Variants in AGTPBP1 observed in about 807,000 individuals in gnomAD.
The protein encoded by AGTPBP1 is ATP/GTP binding carboxypeptidase 1.
AGTPBP1 carries 70 observed loss-of-function variants against 143.9 expected under a neutral mutation model. That is an observed-to-expected ratio of 0.49 (90% CI 0.40 to 0.59). The LOEUF (loss-of-function observed/expected upper bound fraction) is 0.59. Ranked by LOEUF, AGTPBP1 falls within the 20% of genes least tolerant of loss-of-function variation. The probability of loss-of-function intolerance (pLI) is 0.00; values close to 1 mark genes in which losing one functional copy is unlikely to be tolerated. For missense variants in AGTPBP1, 1,229 were observed against 1,464.5 expected, an observed-to-expected ratio of 0.84 and a Z score of 2.62; for synonymous variants, 463 against 500.2, an observed-to-expected ratio of 0.93 and a Z score of 0.99.
chr9:85,646,044 C>G (rs1054699939), intron 12 of AGTPBP1, among the ~76,000 whole-genome samples: 1 of 152,102 alleles, frequency 6.6e-6, no homozygotes, highest in Admixed American at 6.5e-5. Flanking sequence ...TTTCAGATCA[C>G]TTTCCTTCAA....
intron 8 of AGTPBP1, among the ~76,000 whole-genome samples, chr9:85,669,070 T>C (rs1327547208): frequency 1.3e-5 from 2 of 148,208 alleles, no homozygotes; most frequent in Non-Finnish European, 3.0e-5. Context: ...AATGATGTGA[T>C]TTTGACAAAA....
At chr9:85,586,781 T>C in intron 22 of AGTPBP1, 50 bp downstream of exon 22, 1 of 1,578,130 alleles carries the variant, frequency 6.3e-7, no homozygotes, top group South Asian at 1.1e-5. Context: ...TAATTAAAAA[T>C]GATATTTTAT....
intron 1 of AGTPBP1, among the ~76,000 whole-genome samples, chr9:85,735,247 T>C (rs866379815): frequency 1.3e-5 from 2 of 152,170 alleles, no homozygotes; most frequent in African/African-American, 4.8e-5. Context: ...CTTGAAGACA[T>C]TGTGCTAAAT....
At chr9:85,753,757 A>AATAGATAGATAG in the AGTPBP1 span, among the ~76,000 whole-genome samples, 19 of 145,580 alleles carry the variant, frequency 1.3e-4, no homozygotes, top group East Asian at 4.1e-4. Context: ...CCTCTCAATA[A>AATAGATAGATAG]ATAGATAGAT....
the AGTPBP1 span, among the ~76,000 whole-genome samples, chr9:85,785,433 A>G: frequency 2.6e-5 from 4 of 152,218 alleles, no homozygotes; most frequent in African/African-American, 9.6e-5. Flanking sequence ...TATTAGGTCT[A>G]GTACCTGTAT....
intron 14 of AGTPBP1, among the ~76,000 whole-genome samples, chr9:85,630,248 T>C (rs1831568938): frequency 6.6e-6 from 1 of 152,152 alleles, no homozygotes; most frequent in Non-Finnish European, 1.5e-5. Context: ...CCTGTGGGCC[T>C]CTCCTAAGGG....
At chr9:85,663,223 G>A (rs977575509) in intron 8 of AGTPBP1, among the ~76,000 whole-genome samples, 1 of 152,178 alleles carries the variant, frequency 6.6e-6, no homozygotes, top group Non-Finnish European at 1.5e-5. Flanking sequence ...ATCAGCACAT[G>A]TGTGTGAAGT....
the AGTPBP1 span, among the ~76,000 whole-genome samples, chr9:85,763,215 A>G: frequency 6.6e-6 from 1 of 152,188 alleles, no homozygotes; most frequent in Admixed American, 6.6e-5. Flanking sequence ...AAGCCTGTCC[A>G]GAGAAACTAC....
At chr9:85,753,546 G>A in the AGTPBP1 span, 6 of 1,257,652 alleles carry the variant, frequency 4.8e-6, no homozygotes, top group Non-Finnish European at 6.6e-6. Context: ...CTGCGGTCAG[G>A]AGTTCGACCA....
At chr9:85,630,356 T>G (rs1284972904) in intron 14 of AGTPBP1, among the ~76,000 whole-genome samples, 2 of 152,208 alleles carry the variant, frequency 1.3e-5, no homozygotes, top group Non-Finnish European at 2.9e-5. Flanking sequence ...AGGATCAATT[T>G]ACTTACTTAC....
At chr9:85,668,747 T>A (rs556653937) in intron 8 of AGTPBP1, among the ~76,000 whole-genome samples, 1 of 151,558 alleles carries the variant, frequency 6.6e-6, no homozygotes, top group Non-Finnish European at 1.5e-5. Flanking sequence ...ATGTTCAGAA[T>A]TGTTAAACAC....
chr9:85,560,202 G>T (rs1253441391), intron 25 of AGTPBP1, among the ~76,000 whole-genome samples: 1 of 152,102 alleles, frequency 6.6e-6, no homozygotes, highest in East Asian at 1.9e-4. Context: ...AGTACCTATG[G>T]AAGGAAGGGA....
chr9:85,742,091 C>T (rs867436885), upstream of AGTPBP1: 633 of 1,082,318 alleles, frequency 5.8e-4, no homozygotes, highest in Middle Eastern at 2.6e-3. Flanking sequence ...GCCCTCTTCC[C>T]GCCGCGTCCC....
chr9:85,636,965 T>TGA (rs1832098459), intron 13 of AGTPBP1, among the ~76,000 whole-genome samples: 1 of 151,658 alleles, frequency 6.6e-6, no homozygotes, highest in Non-Finnish European at 1.5e-5. Context: ...AAACATACAC[T>TGA]TACCATACAT....
the AGTPBP1 span, among the ~76,000 whole-genome samples, chr9:85,763,008 G>A: frequency 1.3e-5 from 2 of 151,796 alleles, no homozygotes; most frequent in African/African-American, 4.8e-5. Flanking sequence ...CTTGTAAGTT[G>A]CAAGAATCAG....
upstream of AGTPBP1, among the ~76,000 whole-genome samples, chr9:85,742,937 TAAG>T (rs1463343885): frequency 6.6e-6 from 1 of 152,206 alleles, no homozygotes; most frequent in Non-Finnish European, 1.5e-5. Context: ...CAAATAAAAT[TAAG>T]CAGGTGTGAA....
At chr9:85,708,802 C>T (rs1275833154) in intron 2 of AGTPBP1, among the ~76,000 whole-genome samples, 3 of 152,198 alleles carry the variant, frequency 2.0e-5, no homozygotes, top group African/African-American at 7.2e-5. Flanking sequence ...TCCCAAAGTG[C>T]TGGGATTACA....
intron 25 of AGTPBP1, among the ~76,000 whole-genome samples, chr9:85,552,777 C>T (rs941087481): frequency 3.3e-5 from 5 of 152,208 alleles, no homozygotes; most frequent in African/African-American, 1.2e-4. Context: ...TCTACCTTTG[C>T]ACCTCAGAAC....
intron 3 of AGTPBP1, among the ~76,000 whole-genome samples, chr9:85,682,172 T>TAAAAAAA (rs745339958): frequency 2.3e-5 from 2 of 85,830 alleles, no homozygotes; most frequent in Non-Finnish European, 4.5e-5. Flanking sequence ...TAGGATTGGT[T>TAAAAAAA]AAAAAAAAAA....
Sources: allele counts gnomAD v4.1 joint callset (sites outside exome capture counted in the v4.1 genomes callset), GRCh38; gene constraint gnomAD v4.1.1; transcripts MANE v1.5; gene names NCBI Gene and HGNC (gene_info 2026-07-23, HGNC 2026-07-21).